AGBL4: variants seen among roughly 807,000 people sequenced by gnomAD.
The protein encoded by AGBL4 is AGBL carboxypeptidase 4.
In AGBL4, 58 loss-of-function variants were observed where a neutral mutation model predicts 66.4. That is an observed-to-expected ratio of 0.87 (90% confidence interval 0.71 to 1.09). The LOEUF is 1.09. Ranked by LOEUF, AGBL4 falls within the 50% of genes least tolerant of loss-of-function variation. The pLI is 0.00. For synonymous variants in AGBL4, 234 were observed against 222.9 expected, an observed-to-expected ratio of 1.05 and a Z score of -0.44; for missense variants, 579 against 631.0, an observed-to-expected ratio of 0.92 and a Z score of 0.88.
chr1:49,685,749 T>C (rs1247123621), intron 3 of AGBL4, among the ~76,000 whole-genome samples: 6 of 152,186 alleles, frequency 3.9e-5, no homozygotes, highest in Non-Finnish European at 7.3e-5. Context: ...ATCAGGTTGT[T>C]TTTTGCTTGT....
In AGBL4 at chr1:49,600,403, G is replaced by C. The variant is rs538154869; in HGVS notation, c.282+96910C>G. On this transcript the variant is annotated intron_variant, in intron 3 of 13. Transcript: ENST00000371839. ...CTCTTTTGATCTTTGTTGGTTTAAA[G>C]TCTGTTTTATCAGAGACTAGGGTTG... Among the ~76,000 whole-genome samples, 8 of 152,218 alleles carry C rather than the reference G, an allele frequency of 5.3e-5. No individual in the cohort carries two copies. The South Asian group carries it at 1.7e-3, about 32-fold the overall frequency.
intron 5 of AGBL4, among the ~76,000 whole-genome samples, chr1:48,893,115 A>T (rs1391806291): frequency 6.6e-6 from 1 of 152,132 alleles, no homozygotes; most frequent in Non-Finnish European, 1.5e-5. Flanking sequence ...AAATAAACAC[A>T]TACTTGCCTG....
chr1:48,947,847 TCTC>T (rs1656648146), intron 5 of AGBL4, among the ~76,000 whole-genome samples: 2 of 151,890 alleles, frequency 1.3e-5, no homozygotes, highest in African/African-American at 4.8e-5. Flanking sequence ...TTTTTCTCTC[TCTC>T]TTTTTGTTTT....
At chr1:48,540,697 C>T (rs1011936679) in intron 11 of AGBL4, among the ~76,000 whole-genome samples, 3 of 152,168 alleles carry the variant, frequency 2.0e-5, no homozygotes, top group African/African-American at 4.8e-5. Context: ...TAATCCTTAG[C>T]GATTGCTTCT....
At chr1:49,519,208 A>G (rs531246434) in intron 3 of AGBL4, among the ~76,000 whole-genome samples, 1 of 152,222 alleles carries the variant, frequency 6.6e-6, no homozygotes, top group Admixed American at 6.5e-5. Context: ...TTTGATGCCT[A>G]TGTGATCTTG....
chr1:49,591,951 A>C (rs1045918399), intron 3 of AGBL4, among the ~76,000 whole-genome samples: 1 of 152,342 alleles, frequency 6.6e-6, no homozygotes, highest in Admixed American at 6.5e-5. Context: ...GATGGATTAA[A>C]GACTTAAATG....
chr1:49,004,935 C>G (rs919510101), intron 5 of AGBL4, among the ~76,000 whole-genome samples: 1 of 152,098 alleles, frequency 6.6e-6, no homozygotes. Flanking sequence ...AAGACTGGAA[C>G]GAGTTTAGAG....
At chr1:48,642,682 A>T (rs1645776175) in intron 8 of AGBL4, among the ~76,000 whole-genome samples, 1 of 152,186 alleles carries the variant, frequency 6.6e-6, no homozygotes, top group Non-Finnish European at 1.5e-5. Flanking sequence ...TATAAGAACA[A>T]TGATAAGGAG....
intron 1 of AGBL4, among the ~76,000 whole-genome samples, chr1:50,000,379 T>C (rs1660659554): frequency 6.6e-6 from 1 of 152,122 alleles, no homozygotes; most frequent in Non-Finnish European, 1.5e-5. Flanking sequence ...GATACCACCT[T>C]ACTCCTACAA....
chr1:48,869,406 C>A (rs1648425219), intron 5 of AGBL4, among the ~76,000 whole-genome samples: 1 of 152,218 alleles, frequency 6.6e-6, no homozygotes, highest in Admixed American at 6.5e-5. Context: ...GCACTTTCTT[C>A]ATACATAAGG....
chr1:49,931,481 G>A (rs1343393070), intron 1 of AGBL4, among the ~76,000 whole-genome samples: 1 of 152,140 alleles, frequency 6.6e-6, no homozygotes, highest in East Asian at 1.9e-4. Flanking sequence ...GGTAGCAGAA[G>A]AGAGAGAGCA....
At chr1:48,679,978 A>C (rs1160808744) in intron 6 of AGBL4, among the ~76,000 whole-genome samples, 1 of 152,170 alleles carries the variant, frequency 6.6e-6, no homozygotes, top group Non-Finnish European at 1.5e-5. Flanking sequence ...GAGAGACTGC[A>C]TCCTCTCCCT....
chr1:49,007,993 C>A (rs955919801), intron 5 of AGBL4, among the ~76,000 whole-genome samples: 2 of 152,074 alleles, frequency 1.3e-5, no homozygotes, highest in African/African-American at 2.4e-5. Context: ...AACCAGCTAA[C>A]ATCATCATGA....
chr1:48,732,653 C>T lies in AGBL4; in HGVS notation c.635-69412G>A, dbSNP rs1194329382. 5.3e-5 allele frequency among the ~76,000 whole-genome samples: 8 copies of T among 152,174 alleles called. No homozygotes were observed. The South Asian group carries it at 1.5e-3, about 28-fold the overall frequency. On this transcript the variant is annotated intron_variant, in intron 6 of 13. Coordinates refer to ENST00000371839, the MANE Select transcript of AGBL4 (RefSeq NM_032785.4). ...CAACAGAAAGGACCTGGAAGAAGGC[C>T]TCCAGGGCTACAGCACAATAGCAAA...
intron 4 of AGBL4, among the ~76,000 whole-genome samples, chr1:49,217,892 C>A (rs1016081191): frequency 6.6e-6 from 1 of 152,064 alleles, no homozygotes; most frequent in African/African-American, 2.4e-5. Flanking sequence ...ATCTTAAAGG[C>A]CCTCTAATCC....
intron 3 of AGBL4, among the ~76,000 whole-genome samples, chr1:49,681,420 C>T (rs751690379): frequency 2.0e-5 from 3 of 152,088 alleles, no homozygotes; most frequent in Non-Finnish European, 4.4e-5. Flanking sequence ...AGTCCAGATT[C>T]TCCACTTGCC....
intron 3 of AGBL4, among the ~76,000 whole-genome samples, chr1:49,610,061 C>T (rs1016860750): frequency 1.3e-5 from 2 of 151,862 alleles, no homozygotes; most frequent in Non-Finnish European, 2.9e-5. Flanking sequence ...TAAGCAAATG[C>T]AGGCAATAGA....
downstream of AGBL4, among the ~76,000 whole-genome samples, chr1:48,530,425 T>C (rs1557764741): frequency 6.6e-6 from 1 of 152,198 alleles, no homozygotes; most frequent in Non-Finnish European, 1.5e-5. Flanking sequence ...GTTCTTACTA[T>C]GTAGAAAAAT....
At chr1:48,632,048 A>G (rs1027100049) in intron 9 of AGBL4, among the ~76,000 whole-genome samples, 2 of 152,202 alleles carry the variant, frequency 1.3e-5, no homozygotes, top group Non-Finnish European at 2.9e-5. Flanking sequence ...CAGTGCACAT[A>G]GAAAGCCCAT....
Sources: gnomAD v4.1 joint callset for allele counts (sites outside exome capture counted in the v4.1 genomes callset) on GRCh38, gnomAD v4.1.1 for gene constraint, MANE v1.5 for transcripts, NCBI Gene and HGNC (gene_info 2026-07-23, HGNC 2026-07-21) for gene names.